TAS1R1: variants seen among roughly 807,000 people sequenced by gnomAD.
The protein encoded by TAS1R1 is taste 1 receptor member 1, also known as taste receptor type 1 member 1.
Under a neutral mutation model 45.8 loss-of-function variants are expected in TAS1R1, and 31 were observed. That is an observed-to-expected ratio of 0.68 (90% confidence interval 0.51 to 0.91). The LOEUF (loss-of-function observed/expected upper bound fraction) is 0.91. TAS1R1 is among the 40% of genes least tolerant of loss of function. The pLI is 0.00. For missense variants in TAS1R1, 1,051 were observed against 1,063.9 expected (o/e 0.99, Z 0.17); for synonymous variants, 437 against 448.4 (o/e 0.97, Z 0.32).
Position 6,578,601 on chromosome 1 carries a change from T to C in TAS1R1, c.1595-52T>C, listed in dbSNP as rs139097813. On this transcript the variant is annotated intron_variant, in intron 5 of 5. Transcript: ENST00000333172. ...GTATCTTGCAGGCCCCTATTTCCTA[T>C]TCCTACTCTGCTCATCTGGCTCTCA... is the stretch of plus-strand genomic sequence containing the variant. 7.4e-4 allele frequency: 1,128 copies of C among 1,521,690 alleles called. 4 individuals carry two copies. In the African/African-American group the frequency reaches 0.013, roughly 17 times the overall value. 94.3% of individuals were successfully genotyped at this position (1,521,690 alleles called of 1,614,324 possible). A position where few individuals can be genotyped will look rare whatever the true frequency, so the allele number is the denominator to read the frequency against.
chr1:6,559,705 C>T (rs1047302383), intron 1 of TAS1R1, among the ~76,000 whole-genome samples: 8 of 151,122 alleles, frequency 5.3e-5, no homozygotes, highest in Non-Finnish European at 8.8e-5. Context: ...AGGTGGTTCA[C>T]GCCTGTAATC....
At chr1:6,576,766 G>A in intron 4 of TAS1R1, 139 bp downstream of exon 4, 1 of 1,382,036 alleles carries the variant, frequency 7.2e-7, no homozygotes, top group Non-Finnish European at 9.9e-7. Flanking sequence ...TCCTGGCCAG[G>A]GAAGCAGGGA....
At chr1:6,556,381 T>TTC (rs1353775542) in intron 1 of TAS1R1, among the ~76,000 whole-genome samples, 6 of 74,318 alleles carry the variant, frequency 8.1e-5, no homozygotes, top group Non-Finnish European at 1.3e-4. Context: ...TGCTTTTCTT[T>TTC]TATTTCTATC....
At chr1:6,573,824 G>A (rs867142034) in intron 2 of TAS1R1, among the ~76,000 whole-genome samples, 3 of 151,728 alleles carry the variant, frequency 2.0e-5, no homozygotes, top group African/African-American at 4.8e-5. Flanking sequence ...CACCATGCCC[G>A]GCTAATTTTT....
At chr1:6,576,893 C>CA in intron 4 of TAS1R1, 57 bp from the exon 5 acceptor site, 1 of 1,612,802 alleles carries the variant, frequency 6.2e-7, no homozygotes, top group Non-Finnish European at 8.5e-7. Context: ...TTCTGTTCCA[C>CA]ATGTGAGCTG....
Position 6,578,755 on chromosome 1 carries a change from C to G in TAS1R1, c.1697C>G (p.Thr566Ser), listed in dbSNP as rs1490759529. The change falls in exon 6 of 6, where the codon ACC (threonine) becomes AGC (serine). Residue 566 changes from threonine to serine, a missense_variant. By Grantham distance (58) the Thr-to-Ser change is moderately conservative. Coordinates refer to ENST00000333172, the MANE Select transcript of TAS1R1 (RefSeq NM_138697.4). ...GTGTTTTTGGCTTTGCGTGAGCACA[C>G]CTCTTGGGTGCTGCTGGCAGCTAAC... ...TVVFLALREH[T>S]SWVLLAANTL... The G allele has an allele frequency of 6.2e-7, 1 of 1,614,112 alleles. No homozygotes were observed. Among genetic ancestry groups the G allele is most frequent in the Non-Finnish European group, 8.5e-7 (1 of 1,180,002 alleles).
chr1:6,557,432 ATTTG>A (rs1480753813), intron 1 of TAS1R1, among the ~76,000 whole-genome samples: 1 of 151,846 alleles, frequency 6.6e-6, no homozygotes, highest in African/African-American at 2.4e-5. Context: ...TTGTTTGTTT[ATTTG>A]TTTATTTATA....
chr1:6,571,524 G>C (rs1640015945), intron 2 of TAS1R1, among the ~76,000 whole-genome samples: 1 of 152,224 alleles, frequency 6.6e-6, no homozygotes, highest in Non-Finnish European at 1.5e-5. Flanking sequence ...AGGTTCCGTT[G>C]CCTTTGTTAG....
At position 6,563,743 on chromosome 1, in the gene TAS1R1, A is replaced by T. The variant is rs191431078; in HGVS notation, c.192-7166A>T. On this transcript the variant is annotated intron_variant, in intron 1 of 5. Transcript: ENST00000333172. ...TGTGGCTACGTGGGGCAGCCAAGGG[A>T]TTAGGAGCGGTAGATAGGCAAAGAG... 9.2e-5 allele frequency among the ~76,000 whole-genome samples: 14 copies of T among 152,090 alleles called. No homozygotes were observed. In the East Asian group the frequency reaches 2.5e-3, roughly 27 times the overall value.
At chr1:6,558,536 A>G (rs1639725431) in intron 1 of TAS1R1, among the ~76,000 whole-genome samples, 1 of 152,060 alleles carries the variant, frequency 6.6e-6, no homozygotes, top group South Asian at 2.1e-4. Flanking sequence ...CCTGGCCAAC[A>G]TGGTGAAACC....
Position 6,579,635 on chromosome 1 carries a change from A to T in TAS1R1, c.*51A>T. 1 of 1,552,444 alleles carries T rather than the reference A, an allele frequency of 6.4e-7. No homozygotes were observed. Among genetic ancestry groups the T allele is most frequent in the African/African-American group, 1.4e-5 (1 of 74,042 alleles). Reference sequence around the variant, plus strand: ...CAGCCTTCTCTGCCCTGAGGGTCGAAGGTCGAGCAGGCCGGGGGTGTCCGG... The same window carrying T: ...CAGCCTTCTCTGCCCTGAGGGTCGATGGTCGAGCAGGCCGGGGGTGTCCGG... On this transcript the variant is annotated 3_prime_UTR_variant, in exon 6 of 6. Coordinates refer to ENST00000333172, the MANE Select transcript of TAS1R1 (RefSeq NM_138697.4).
intron 1 of TAS1R1, among the ~76,000 whole-genome samples, chr1:6,562,858 G>A (rs546880111): frequency 3.3e-5 from 5 of 152,284 alleles, no homozygotes; most frequent in East Asian, 1.9e-4. Flanking sequence ...GAAAAAGCAC[G>A]TGAGTTTATT....
At chr1:6,566,240 G>T (rs1447865451) in intron 1 of TAS1R1, among the ~76,000 whole-genome samples, 2 of 152,202 alleles carry the variant, frequency 1.3e-5, no homozygotes, top group African/African-American at 4.8e-5. Context: ...TGCTGTGATT[G>T]GAGGGTGTCA....
At chr1:6,566,810 T>A (rs991854028) in intron 1 of TAS1R1, among the ~76,000 whole-genome samples, 4 of 152,198 alleles carry the variant, frequency 2.6e-5, no homozygotes, top group Admixed American at 6.5e-5. Flanking sequence ...TTAGCCAGGA[T>A]GGTCTTGATC....
chr1:6,564,130 G>A (rs1333638647), intron 1 of TAS1R1, among the ~76,000 whole-genome samples: 1 of 152,148 alleles, frequency 6.6e-6, no homozygotes, highest in African/African-American at 2.4e-5. Flanking sequence ...ACTAGTCGTA[G>A]GAGCCCTTTT....
chr1:6,569,786 G>A (rs148831222), intron 1 of TAS1R1, among the ~76,000 whole-genome samples: 83 of 152,272 alleles, frequency 5.5e-4, no homozygotes, highest in African/African-American at 1.9e-3. Flanking sequence ...TTGGCCCAGC[G>A]CTGGGTCTTT....
Position 6,574,106 on chromosome 1 carries a change from A to G in TAS1R1, c.499-525A>G, listed in dbSNP as rs1640093306. 6.6e-6 allele frequency among the ~76,000 whole-genome samples: 1 copy of G among 152,176 alleles called. No individual in the cohort carries two copies. Among genetic ancestry groups the G allele is most frequent in the South Asian group, 2.1e-4 (1 of 4,832 alleles). ...ACAGATCATCAGACATTAGATTCTC[A>G]TAAGTAGCGTGCAACCCAGATCCCT... is the stretch of plus-strand genomic sequence containing the variant. On this transcript the variant is annotated intron_variant, in intron 2 of 5. Coordinates refer to ENST00000333172, the MANE Select transcript of TAS1R1 (RefSeq NM_138697.4). The surrounding 1 kb of genome is among the most constrained non-coding windows in gnomAD (Gnocchi z 4.3).
intron 1 of TAS1R1, among the ~76,000 whole-genome samples, chr1:6,560,237 C>T (rs1361027701): frequency 1.3e-5 from 2 of 152,056 alleles, no homozygotes; most frequent in East Asian, 1.9e-4. Context: ...GCAGAGGTTG[C>T]CGTAAGCCGA....
chr1:6,573,763 C>T (rs1008867916), intron 2 of TAS1R1, among the ~76,000 whole-genome samples: 8 of 151,750 alleles, frequency 5.3e-5, no homozygotes, highest in Non-Finnish European at 1.0e-4. Flanking sequence ...CCCGGGTTCA[C>T]GCCATTCTCC....
Sources: allele counts gnomAD v4.1 joint callset (sites outside exome capture counted in the v4.1 genomes callset), GRCh38; gene constraint gnomAD v4.1.1; non-coding constraint Gnocchi (gnomAD v3.1); transcripts MANE v1.5; gene names NCBI Gene and HGNC (gene_info 2026-07-23, HGNC 2026-07-21).